VPS13D: variants seen among roughly 807,000 people sequenced by gnomAD.
VPS13D encodes vacuolar protein sorting 13 homolog D, also known as intermembrane lipid transfer protein VPS13D.
A neutral mutation model predicts 461.9 loss-of-function variants in VPS13D; 187 were observed. The observed-to-expected ratio is 0.40, with a 90% confidence interval of 0.36 to 0.46. The LOEUF is 0.46. Among genes scored for constraint, VPS13D ranks in the 20% least tolerant of loss-of-function variants. The pLI, the probability that VPS13D is intolerant of heterozygous loss-of-function variation, is 0.60. For synonymous variants in VPS13D, 1,951 were observed against 1,986.3 expected, an observed-to-expected ratio of 0.98 and a Z score of 0.47; for missense variants, 4,711 against 5,364.9, an observed-to-expected ratio of 0.88 and a Z score of 3.81.
At chr1:12,378,281 AATTAAGC>A (rs1644228425) in intron 55 of VPS13D, 140 bp from the exon 56 acceptor site, 4 of 623,126 alleles carry the variant, frequency 6.4e-6, no homozygotes, top group Non-Finnish European at 9.4e-6. Flanking sequence ...TGAAAGTTTG[AATTAAGC>A]ATTTATATAA....
chr1:12,395,774 T>G (rs1283451538), intron 60 of VPS13D, among the ~76,000 whole-genome samples: 3 of 151,838 alleles, frequency 2.0e-5, no homozygotes, highest in African/African-American at 7.3e-5. Flanking sequence ...TTTTGCATAA[T>G]TCTCCAAACG....
chr1:12,267,158 G>T, intron 14 of VPS13D, 147 bp downstream of exon 14: 1 of 871,570 alleles, frequency 1.1e-6, no homozygotes, highest in Non-Finnish European at 1.6e-6. Context: ...AATTGTTAAA[G>T]AGCAAATGTT....
At chr1:12,420,041 T>G (rs977482334) in intron 65 of VPS13D, among the ~76,000 whole-genome samples, 1 of 152,216 alleles carries the variant, frequency 6.6e-6, no homozygotes, top group African/African-American at 2.4e-5. Flanking sequence ...AAATTGTTAT[T>G]TGGCACATGA....
At chr1:12,309,202 T>C (rs1642659203) in intron 27 of VPS13D, among the ~76,000 whole-genome samples, 1 of 150,740 alleles carries the variant, frequency 6.6e-6, no homozygotes, top group African/African-American at 2.4e-5. Flanking sequence ...TTTGATTTGA[T>C]CTTTTTTTTC....
Position 12,433,426 on chromosome 1 carries a change from C to T in VPS13D, c.12333+16599C>T, listed in dbSNP as rs72868288. Among the ~76,000 whole-genome samples, 660 of 152,268 alleles carry T rather than the reference C, an allele frequency of 4.3e-3. 5 individuals are homozygous for T. The highest frequency in any genetic ancestry group is 0.015 in the African/African-American group (621 of 41,554). On this transcript the variant is annotated intron_variant, in intron 65 of 69. Transcript: ENST00000620676. ...AGACCCTCAGTCACACAGGGAGCCC[C>T]GCCACAGCTGAAGTGTTTTGTCAGA...
intron 30 of VPS13D, among the ~76,000 whole-genome samples, chr1:12,314,994 A>T (rs1449471005): frequency 1.3e-5 from 2 of 152,224 alleles, no homozygotes; most frequent in Non-Finnish European, 2.9e-5. Flanking sequence ...AATTAAAGTA[A>T]TTCTGGCATA....
At chr1:12,506,804 C>T (rs1646114744) in intron 68 of VPS13D, 49 bp from the exon 69 acceptor site, 5 of 1,589,836 alleles carry the variant, frequency 3.1e-6, no homozygotes, top group Non-Finnish European at 4.3e-6. Context: ...CCCCCTGATG[C>T]TGGGCGAAGC....
chr1:12,444,494 G>C (rs908071238), intron 65 of VPS13D, among the ~76,000 whole-genome samples: 7 of 151,634 alleles, frequency 4.6e-5, no homozygotes, highest in Non-Finnish European at 8.8e-5. Flanking sequence ...TTTTCCTTCT[G>C]TGACTCCAGT....
At chr1:12,314,689 G>T (rs974816568) in intron 30 of VPS13D, among the ~76,000 whole-genome samples, 1 of 152,164 alleles carries the variant, frequency 6.6e-6, no homozygotes, top group East Asian at 1.9e-4. Flanking sequence ...AATAATGGAA[G>T]GGAAGGTGGG....
intron 67 of VPS13D, among the ~76,000 whole-genome samples, chr1:12,472,628 G>T (rs1645578784): frequency 6.6e-6 from 1 of 152,088 alleles, no homozygotes; most frequent in Non-Finnish European, 1.5e-5. Context: ...TATCCTTTTG[G>T]ATTTGTGCCA....
At chr1:12,344,651 T>C (rs1643638282) in intron 42 of VPS13D, among the ~76,000 whole-genome samples, 1 of 152,338 alleles carries the variant, frequency 6.6e-6, no homozygotes, top group Non-Finnish European at 1.5e-5. Context: ...ACTATTCTGC[T>C]TGAATTCTTC....
At chr1:12,309,391 A>G (rs527338706) in intron 27 of VPS13D, among the ~76,000 whole-genome samples, 31 of 151,450 alleles carry the variant, frequency 2.0e-4, no homozygotes, top group African/African-American at 7.2e-4. Flanking sequence ...TTGTGTTTTT[A>G]GTAGAGATGG....
intron 24 of VPS13D, among the ~76,000 whole-genome samples, chr1:12,297,194 G>A (rs1050404749): frequency 5.3e-5 from 8 of 152,216 alleles, no homozygotes; most frequent in Admixed American, 2.6e-4. Context: ...ATGTAGCTGG[G>A]TTTTTATTCC....
intron 67 of VPS13D, among the ~76,000 whole-genome samples, chr1:12,496,159 A>G (rs1645954723): frequency 6.6e-6 from 1 of 152,200 alleles, no homozygotes; most frequent in Non-Finnish European, 1.5e-5. Context: ...TGAAACTTCT[A>G]TAAAGTCTCT....
intron 68 of VPS13D, among the ~76,000 whole-genome samples, chr1:12,497,951 G>A (rs552991404): frequency 3.3e-5 from 5 of 152,302 alleles, no homozygotes; most frequent in African/African-American, 1.2e-4. Flanking sequence ...TTTTTCTCCT[G>A]TAAAAATTTC....
chr1:12,401,493 G>GTTA, intron 61 of VPS13D, 115 bp from the exon 62 acceptor site: 1 of 672,676 alleles, frequency 1.5e-6, no homozygotes, highest in Non-Finnish European at 2.5e-6. Flanking sequence ...TGGCATTATA[G>GTTA]TTATAAAGCC....
intron 60 of VPS13D, among the ~76,000 whole-genome samples, chr1:12,390,883 A>G (rs951692133): frequency 2.6e-5 from 4 of 152,146 alleles, no homozygotes; most frequent in Admixed American, 2.6e-4. Context: ...TGGCTGGGGA[A>G]AGAGGCCGAG....
At chr1:12,485,666 G>C (rs960050837) in intron 67 of VPS13D, among the ~76,000 whole-genome samples, 48 of 152,246 alleles carry the variant, frequency 3.2e-4, no homozygotes, top group South Asian at 4.2e-4. Flanking sequence ...AAGGTTGTTG[G>C]GGGGGTGGGC....
At chr1:12,441,885 C>T (rs551813102) in intron 65 of VPS13D, among the ~76,000 whole-genome samples, 1 of 152,266 alleles carries the variant, frequency 6.6e-6, no homozygotes, top group South Asian at 2.1e-4. Context: ...TATTTTGCTT[C>T]TTTTTCTTTT....
Sources: gnomAD v4.1 joint callset for allele counts (sites outside exome capture counted in the v4.1 genomes callset) on GRCh38, gnomAD v4.1.1 for gene constraint, MANE v1.5 for transcripts, NCBI Gene and HGNC (gene_info 2026-07-23, HGNC 2026-07-21) for gene names.